Variants in ANK2 observed in about 807,000 individuals in gnomAD.
ANK2 encodes the protein ankyrin-2.
ANK2 carries 83 observed loss-of-function variants against 360.5 expected under a neutral mutation model. The observed-to-expected ratio is 0.23, with a 90% confidence interval of 0.19 to 0.28. The LOEUF is 0.28. Ranked by LOEUF, ANK2 falls within the 10% of genes least tolerant of loss-of-function variation. The pLI, the probability that ANK2 is intolerant of heterozygous loss-of-function variation, is 1.00. For missense variants in ANK2, 4,201 were observed against 4,795.7 expected (o/e 0.88, Z 3.66); for synonymous variants, 1,740 against 1,759.5 (o/e 0.99, Z 0.28).
intron 13 of ANK2, among the ~76,000 whole-genome samples, chr4:113,260,431 C>G (rs1176164500): frequency 6.6e-6 from 1 of 152,090 alleles, no homozygotes; most frequent in African/African-American, 2.4e-5. Context: ...GTTCATTTGT[C>G]CATTATATTA....
At chr4:113,168,565 AGG>A (rs955428691) in intron 1 of ANK2, among the ~76,000 whole-genome samples, 34 of 152,334 alleles carry the variant, frequency 2.2e-4, no homozygotes, top group African/African-American at 7.9e-4. Flanking sequence ...CCATATATGT[AGG>A]TTAACCTGCA....
the ANK2 span, among the ~76,000 whole-genome samples, chr4:112,785,302 C>T: frequency 6.6e-6 from 1 of 152,144 alleles, no homozygotes; most frequent in Non-Finnish European, 1.5e-5. Flanking sequence ...TCCAATGACC[C>T]TCAATGAATG....
At chr4:112,965,354 ATT>A (rs917324974) in intron 2 of ANK2, among the ~76,000 whole-genome samples, 1 of 151,404 alleles carries the variant, frequency 6.6e-6, no homozygotes, top group African/African-American at 2.4e-5. Context: ...AGATGATTAG[ATT>A]TTTTTTTCCT....
chr4:113,144,340 C>T (rs946087040), intron 1 of ANK2, among the ~76,000 whole-genome samples: 2 of 151,986 alleles, frequency 1.3e-5, no homozygotes, highest in African/African-American at 4.8e-5. Flanking sequence ...CAAAAATGTC[C>T]CTCTTGGATT....
At chr4:112,788,277 C>T in the ANK2 span, 25 of 1,579,186 alleles carry the variant, frequency 1.6e-5, no homozygotes, top group Non-Finnish European at 2.0e-5. Flanking sequence ...TGTGTGAAGG[C>T]GACAGTGGTG....
intron 4 of ANK2, among the ~76,000 whole-genome samples, chr4:113,217,723 C>T (rs535441622): frequency 6.5e-4 from 99 of 152,290 alleles, no homozygotes; most frequent in African/African-American, 2.0e-3. Flanking sequence ...CTCCCCCGCC[C>T]CGACTCACCT....
At chr4:113,165,805 C>T (rs112087325) in intron 1 of ANK2, among the ~76,000 whole-genome samples, 8 of 152,142 alleles carry the variant, frequency 5.3e-5, no homozygotes, top group African/African-American at 1.9e-4. Flanking sequence ...CAAAGAGTAT[C>T]TTATTTCTTG....
At chr4:113,337,858 C>A (rs1052937131) in intron 31 of ANK2, among the ~76,000 whole-genome samples, 1 of 151,954 alleles carries the variant, frequency 6.6e-6, no homozygotes, top group African/African-American at 2.4e-5. Flanking sequence ...TATGATTAAC[C>A]TTCTATAATG....
In ANK2 at chr4:113,359,026, C is replaced by G. The variant is rs923227015; in HGVS notation, c.10408C>G (p.Leu3470Val). The G allele has an allele frequency of 6.2e-7, 1 of 1,614,074 alleles. No individual in the cohort carries two copies. The highest frequency in any genetic ancestry group is 2.2e-5 in the East Asian group (1 of 44,866). The change falls in exon 38 of 46, where the codon CTT (leucine) becomes GTT (valine). Residue 3470 changes from leucine (L) to valine (V), a missense_variant. Transcript: ENST00000357077. ...AGAAAGTAAGGAGCATTTCTTTGAC[C>G]TTTACAGAAATTCCATAGAATTCTT... ...TKESKEHFFD[L>V]YRNSIEFFEE...
chr4:113,098,173 A>G (rs1343565697), intron 1 of ANK2, among the ~76,000 whole-genome samples: 3 of 151,786 alleles, frequency 2.0e-5, no homozygotes, highest in Admixed American at 6.6e-5. Flanking sequence ...ATAAAGAACT[A>G]TATAAACCTA....
intron 1 of ANK2, among the ~76,000 whole-genome samples, chr4:112,900,288 T>C (rs1286908501): frequency 2.6e-5 from 4 of 152,170 alleles, no homozygotes; most frequent in Non-Finnish European, 2.9e-5. Context: ...TACCCCTCTT[T>C]AAGATAGTTT....
intron 2 of ANK2, among the ~76,000 whole-genome samples, chr4:113,006,546 C>A (rs553459551): frequency 6.6e-6 from 1 of 152,200 alleles, no homozygotes; most frequent in Non-Finnish European, 1.5e-5. Context: ...TGTGGAGAAA[C>A]AATCTTTTCT....
In ANK2 at chr4:113,071,667, T is replaced by C. The variant is rs1416948752; in HGVS notation, c.84+21855T>C. On this transcript the variant is annotated intron_variant, in intron 1 of 45. Transcript: ENST00000357077. Reference sequence around the variant, plus strand: ...GGCTTTACAATCTGGCCAGGCTTAGTGGTACACCCTGCTCCTTTCCCATTT... The same window carrying C: ...GGCTTTACAATCTGGCCAGGCTTAGCGGTACACCCTGCTCCTTTCCCATTT... 2.0e-5 allele frequency among the ~76,000 whole-genome samples: 3 copies of C among 152,158 alleles called. No homozygotes were observed. In the East Asian group the frequency reaches 5.8e-4, roughly 29 times the overall value.
chr4:112,921,304 C>T (rs919858814), intron 2 of ANK2, among the ~76,000 whole-genome samples: 1 of 151,224 alleles, frequency 6.6e-6, no homozygotes, highest in Non-Finnish European at 1.5e-5. Flanking sequence ...GGATTACAGG[C>T]GTGAGCCACT....
At chr4:113,288,355 T>G in intron 19 of ANK2, 33 bp from the exon 20 acceptor site, 2 of 1,566,554 alleles carry the variant, frequency 1.3e-6, no homozygotes, top group Non-Finnish European at 1.8e-6. Flanking sequence ...GTTTCTACTT[T>G]ATCTATTTTT....
At chr4:113,273,235 T>G (rs1384447092) in intron 14 of ANK2, among the ~76,000 whole-genome samples, 1 of 152,240 alleles carries the variant, frequency 6.6e-6, no homozygotes, top group African/African-American at 2.4e-5. Flanking sequence ...AGAACTTGTT[T>G]AATTTTTCTT....
At chr4:112,952,915 AG>A (rs2095116794) in intron 2 of ANK2, among the ~76,000 whole-genome samples, 1 of 152,196 alleles carries the variant, frequency 6.6e-6, no homozygotes, top group Admixed American at 6.5e-5. Flanking sequence ...GACCAAGTCA[AG>A]AGAGATTAGG....
chr4:113,195,936 A>T (rs899530563), intron 2 of ANK2, among the ~76,000 whole-genome samples: 84 of 152,174 alleles, frequency 5.5e-4, no homozygotes, highest in African/African-American at 1.9e-3. Flanking sequence ...GGAGGTGGGG[A>T]GTACATCTTC....
upstream of ANK2, among the ~76,000 whole-genome samples, chr4:112,814,458 T>C (rs1371148171): frequency 6.0e-5 from 9 of 151,156 alleles, no homozygotes; most frequent in Admixed American, 5.3e-4. Context: ...TGTTTGTTTG[T>C]TTTTTTGAGA....
Sources: gnomAD v4.1 joint callset for allele counts (sites outside exome capture counted in the v4.1 genomes callset) on GRCh38, gnomAD v4.1.1 for gene constraint, MANE v1.5 for transcripts, NCBI Gene and HGNC (gene_info 2026-07-23, HGNC 2026-07-21) for gene names.